Variants in RSRC2 observed in about 807,000 individuals in gnomAD.
RSRC2 encodes arginine and serine rich coiled-coil 2.
A neutral mutation model predicts 61.3 loss-of-function variants in RSRC2; 5 were observed. That is an observed-to-expected ratio of 0.08 (90% CI 0.04 to 0.17). The LOEUF (loss-of-function observed/expected upper bound fraction) is 0.17, where lower values mean the gene tolerates loss of function less well. Among genes scored for constraint, RSRC2 ranks in the 10% least tolerant of loss-of-function variants. The pLI is 1.00. For synonymous variants in RSRC2, 202 were observed against 166.5 expected (o/e 1.21, Z -1.64); for missense variants, 381 against 518.8 (o/e 0.73, Z 2.58).
intron 6 of RSRC2, chr12:122,514,752 A>T: frequency 1.8e-6 from 2 of 1,132,786 alleles, no homozygotes; most frequent in Non-Finnish European, 2.3e-6. Flanking sequence ...AAAAACAAAA[A>T]GTAAAGGAAA....
chr12:122,523,794 AGTT>A (rs1294507274), intron 1 of RSRC2: 1 of 151,524 alleles, frequency 6.6e-6, no homozygotes, highest in African/African-American at 2.4e-5. Flanking sequence ...TAATAAATGA[AGTT>A]GTGAGAGGTC....
chr12:122,519,174 A>T (rs1257434216), intron 3 of RSRC2, 145 bp from the exon 4 acceptor site: 3 of 625,296 alleles, frequency 4.8e-6, no homozygotes, highest in Non-Finnish European at 8.2e-6. Flanking sequence ...GTTTCACATC[A>T]CCCAAATGTT....
At chr12:122,515,405 A>G (rs777249325) in intron 5 of RSRC2, among the ~76,000 whole-genome samples, 178 bp from the exon 6 acceptor site, 3 of 151,280 alleles carry the variant, frequency 2.0e-5, no homozygotes, top group Non-Finnish European at 4.4e-5. Context: ...TTTGTTTCCA[A>G]CTCCCTCATC....
chr12:122,509,571 TAAAA>T (rs1053497224), intron 7 of RSRC2, among the ~76,000 whole-genome samples: 1 of 152,076 alleles, frequency 6.6e-6, no homozygotes, highest in Non-Finnish European at 1.5e-5. Context: ...CAGTCCTCTG[TAAAA>T]AAAGACACCT....
At chr12:122,525,596 G>A (rs551807710) in intron 1 of RSRC2, among the ~76,000 whole-genome samples, 63 of 152,260 alleles carry the variant, frequency 4.1e-4, no homozygotes, top group African/African-American at 1.3e-3. Context: ...CTATGTTTAA[G>A]AGTCATAATT....
At chr12:122,524,421 T>C (rs554065655) in intron 1 of RSRC2, among the ~76,000 whole-genome samples, 8 of 152,328 alleles carry the variant, frequency 5.3e-5, no homozygotes, top group Admixed American at 3.9e-4. Context: ...CCTTAACTAG[T>C]GGCAAATCCC....
intron 4 of RSRC2, among the ~76,000 whole-genome samples, chr12:122,518,588 G>A (rs1471195646): frequency 5.0e-5 from 4 of 79,724 alleles, no homozygotes; most frequent in Non-Finnish European, 9.5e-5. Context: ...GCAAGACTCC[G>A]TGTCAAAAAA....
At chr12:122,508,528 T>TAA in intron 7 of RSRC2, 81 bp from the exon 8 acceptor site, 1 of 1,137,010 alleles carries the variant, frequency 8.8e-7, no homozygotes, top group Non-Finnish European at 1.3e-6. Context: ...GAACGATTTA[T>TAA]AAAAAGCTAT....
intron 1 of RSRC2, among the ~76,000 whole-genome samples, 157 bp downstream of exon 1, chr12:122,526,691 C>T (rs1960555382): frequency 6.6e-6 from 1 of 152,182 alleles, no homozygotes; most frequent in Non-Finnish European, 1.5e-5. Flanking sequence ...ACTTCCCCCT[C>T]CCTACAGCAG....
At chr12:122,514,805 A>G in intron 6 of RSRC2, 1 of 830,606 alleles carries the variant, frequency 1.2e-6, no homozygotes, top group South Asian at 1.9e-5. Flanking sequence ...AACCAGATTT[A>G]AGACTCAAAA....
intron 4 of RSRC2, 65 bp from the exon 5 acceptor site, chr12:122,517,495 T>C (rs1427549411): frequency 1.0e-5 from 16 of 1,592,826 alleles, no homozygotes; most frequent in Non-Finnish European, 1.4e-5. Flanking sequence ...ATACACATCA[T>C]GAATTAGTTA....
intron 1 of RSRC2, chr12:122,526,382 A>G (rs1960408590): frequency 6.1e-6 from 1 of 164,652 alleles, no homozygotes. Flanking sequence ...AGCGTACAAA[A>G]AAAAAAATAG....
chr12:122,523,869 G>A (rs898553393), intron 1 of RSRC2: 4 of 152,148 alleles, frequency 2.6e-5, no homozygotes, highest in Admixed American at 6.5e-5. Context: ...GCTAGACTTA[G>A]GGAATAAAAT....
Position 122,517,322 on chromosome 12 carries a change from G to C in RSRC2, c.507C>G (p.Ser169Arg). 1 of 1,613,842 alleles carries C rather than the reference G, an allele frequency of 6.2e-7. No individual in the cohort carries two copies. Among genetic ancestry groups the C allele is most frequent in the Non-Finnish European group, 8.5e-7 (1 of 1,179,786 alleles). The change falls in exon 5 of 10, where the codon AGC becomes AGG. Residue 169 changes from serine to arginine, a missense_variant. Physicochemically the swap from Ser to Arg is moderately radical, Grantham distance 110 (BLOSUM62 -1). Transcript: ENST00000331738. ...ACCTGATCCGCCGTTTTCTTTCCCT[G>C]CTTCTGGATCTCGATTTCTTCCTCT... ...SRERKKSRSR[S>R]RERKRRIRSR...
At chr12:122,513,010 T>C (rs1468327841) in intron 6 of RSRC2, among the ~76,000 whole-genome samples, 3 of 151,770 alleles carry the variant, frequency 2.0e-5, no homozygotes, top group Non-Finnish European at 2.9e-5. Context: ...TTGGCCAACA[T>C]GGCAAAACCC....
chr12:122,513,771 T>G, intron 6 of RSRC2: 2 of 985,138 alleles, frequency 2.0e-6, no homozygotes, highest in Non-Finnish European at 2.4e-6. Context: ...GCTCACACTT[T>G]TGCTGCTGTT....
At chr12:122,507,729 T>TC (rs1958210536) in intron 8 of RSRC2, 1 of 167,674 alleles carries the variant, frequency 6.0e-6, no homozygotes, top group Non-Finnish European at 1.3e-5. Flanking sequence ...TTTTTTTTTT[T>TC]TTTTTCCAGA....
At chr12:122,513,240 TAAATA>T (rs372643406) in intron 6 of RSRC2, among the ~76,000 whole-genome samples, 14,656 of 67,982 alleles carry the variant, frequency 0.22, 1,055 homozygotes, top group Middle Eastern at 0.33. Context: ...AATAAATAAA[TAAATA>T]AAATAAAATA....
chr12:122,525,983 G>A (rs1397185673), intron 1 of RSRC2, among the ~76,000 whole-genome samples: 24 of 51,696 alleles, frequency 4.6e-4, no homozygotes, highest in African/African-American at 3.1e-3. Flanking sequence ...CACTACGCCC[G>A]GCTAATTTTT....
Sources: allele counts gnomAD v4.1 joint callset (sites outside exome capture counted in the v4.1 genomes callset), GRCh38; gene constraint gnomAD v4.1.1; transcripts MANE v1.5; gene names NCBI Gene and HGNC (gene_info 2026-07-23, HGNC 2026-07-21).